JMJD7: variants seen among roughly 807,000 people sequenced by gnomAD.
The protein encoded by JMJD7 is bifunctional peptidase and (3S)-lysyl hydroxylase JMJD7.
In JMJD7, 41 loss-of-function variants were observed where a neutral mutation model predicts 41.1. The ratio of observed to expected loss-of-function variants is 1.00; its 90% CI spans 0.78 to 1.30. The LOEUF (loss-of-function observed/expected upper bound fraction) is 1.30, where lower values mean the gene tolerates loss of function less well. JMJD7 is among the 50% of genes most tolerant of loss of function. The pLI, the probability that JMJD7 is intolerant of heterozygous loss-of-function variation, is 0.00. For missense variants in JMJD7, 480 were observed against 420.7 expected (o/e 1.14, Z -1.23); for synonymous variants, 202 against 177.2 (o/e 1.14, Z -1.11).
chr15:41,836,320 GC>G, intron 5 of JMJD7, 77 bp downstream of exon 5: 1 of 1,585,256 alleles, frequency 6.3e-7, no homozygotes, highest in Non-Finnish European at 8.6e-7. Flanking sequence ...AGCCTGGGAG[GC>G]CAGTTCCCAG....
At chr15:41,829,199 T>TA (rs1447281338) in intron 1 of JMJD7, 1 of 152,196 alleles carries the variant, frequency 6.6e-6, no homozygotes, top group Non-Finnish European at 1.5e-5. Context: ...GGTTAGAAGG[T>TA]AAGTGCAGGC....
intron 1 of JMJD7, 68 bp downstream of exon 1, chr15:41,828,256 C>G: frequency 6.9e-7 from 1 of 1,449,246 alleles, no homozygotes; most frequent in Admixed American, 3.4e-5. Flanking sequence ...GCCGCTGACA[C>G]CGGGGGCTCG....
At chr15:41,830,820 C>A (rs556395679) in intron 1 of JMJD7, among the ~76,000 whole-genome samples, 1 of 152,376 alleles carries the variant, frequency 6.6e-6, no homozygotes, top group African/African-American at 2.4e-5. Context: ...CACCAGCCCC[C>A]TGCCTCCTTG....
chr15:41,831,558 A>T (rs2065229448), intron 1 of JMJD7, among the ~76,000 whole-genome samples: 1 of 152,170 alleles, frequency 6.6e-6, no homozygotes, highest in Admixed American at 6.5e-5. Flanking sequence ...AGCCCTGTAC[A>T]CTTTATAAAA....
chr15:41,836,998 T>G, intron 7 of JMJD7, 58 bp downstream of exon 7: 1 of 1,609,414 alleles, frequency 6.2e-7, no homozygotes, highest in South Asian at 1.1e-5. Context: ...GCAGGGCCTC[T>G]GGGGGGAGGC....
intron 1 of JMJD7, among the ~76,000 whole-genome samples, chr15:41,833,596 T>G (rs2065265815): frequency 6.6e-6 from 1 of 151,298 alleles, no homozygotes; most frequent in African/African-American, 2.4e-5. Context: ...AATTTTTAAT[T>G]TTTTTGTAGA....
In JMJD7 at chr15:41,828,203, C is replaced by T; in HGVS notation, c.64+15C>T. 1 of 1,502,470 alleles carries T rather than the reference C, an allele frequency of 6.7e-7. No homozygotes were observed. The highest frequency in any genetic ancestry group is 1.4e-5 in the South Asian group (1 of 73,196). 93.1% of individuals were successfully genotyped at this position (1,502,470 alleles called of 1,614,324 possible). On this transcript the variant is annotated intron_variant, in intron 1 of 7. Coordinates refer to ENST00000397299, the MANE Select transcript of JMJD7 (RefSeq NM_001114632.2). ...CGCTGCAAGGGGTGAGTGGCTCTCC[C>T]ACAGGCTGCGGCGATTTCCGAACAC...
chr15:41,829,549 A>T (rs2065197165), intron 1 of JMJD7, among the ~76,000 whole-genome samples: 2 of 152,178 alleles, frequency 1.3e-5, no homozygotes, highest in African/African-American at 4.8e-5. Flanking sequence ...TCAGCATTCC[A>T]AAGTTTTGGA....
rs1595415328 is a variant in JMJD7, at chr15:41,837,498, G to C, written c.*342G>C. 3.1e-6 allele frequency: 1 copy of C among 319,312 alleles called. No homozygotes were observed. Among genetic ancestry groups the C allele is most frequent in the African/African-American group, 2.1e-5 (1 of 46,924 alleles). 19.8% of individuals were successfully genotyped at this position (319,312 alleles called of 1,614,324 possible). A position where few individuals can be genotyped will look rare whatever the true frequency, so the allele number is the denominator to read the frequency against. On this transcript the variant is annotated 3_prime_UTR_variant, in exon 8 of 8. Coordinates refer to ENST00000397299, the MANE Select transcript of JMJD7 (RefSeq NM_001114632.2). ...AGATAATAATGGCTGTACCTCGCGG[G>C]GCTGTTGTGGGCTTGGAGATGATGT...
Position 41,837,540 on chromosome 15 carries a change from G to A in JMJD7, c.*384G>A. ...AGATGATGTCTATGAGGACCAGCATGGAGCTGGCACACAGGACATGTTGAA... is the reference window on the plus strand; with the variant it reads ...AGATGATGTCTATGAGGACCAGCATAGAGCTGGCACACAGGACATGTTGAA... On this transcript the variant is annotated 3_prime_UTR_variant, in exon 8 of 8. Coordinates refer to ENST00000397299, the MANE Select transcript of JMJD7 (RefSeq NM_001114632.2). 4.3e-6 allele frequency: 1 copy of A among 233,280 alleles called. No individual in the cohort carries two copies. Among genetic ancestry groups the A allele is most frequent in the Non-Finnish European group, 8.3e-6 (1 of 120,510 alleles). The allele number at this position is 233,280 out of a possible 1,614,324, so 14.5% of individuals were successfully genotyped here.
At position 41,836,471 on chromosome 15, in the gene JMJD7, C is replaced by A. The variant is rs1256402321; in HGVS notation, c.626-4C>A. The A allele has an allele frequency of 4.4e-6, 7 of 1,578,508 alleles. No individual in the cohort carries two copies. Among genetic ancestry groups the A allele is most frequent in the Non-Finnish European group, 6.0e-6 (7 of 1,161,192 alleles). On this transcript the variant is annotated splice_polypyrimidine_tract_variant and splice_region_variant and intron_variant, in intron 5 of 7. Transcript: ENST00000397299. ...CCCCCACACCCTTCTCCCTTGGGCT[C>A]CAGAGCTGTACACGCCGGCAACCTA...
Position 41,828,155 on chromosome 15 carries a change from A to T in JMJD7, c.31A>T (p.Ser11Cys). MAEAALEAVR[S>C]ELREFPAAAR... The stretch of plus-strand genomic sequence containing the variant: ...GGAGGCGGCTTTGGAAGCCGTGCGG[A>T]GCGAGTTACGAGAATTCCCGGCCGC... Residue 11 changes from serine (S) to cysteine (C), a missense_variant, in exon 1 of 8, where the codon AGC becomes TGC. By Grantham distance (112) the Ser-to-Cys change is moderately radical. Coordinates refer to ENST00000397299, the MANE Select transcript of JMJD7 (RefSeq NM_001114632.2). The T allele has an allele frequency of 6.7e-7, 1 of 1,487,704 alleles. No individual in the cohort carries two copies. The highest frequency in any genetic ancestry group is 1.5e-5 in the African/African-American group (1 of 67,424). The allele number at this position is 1,487,704 out of a possible 1,614,324, so 92.2% of individuals were successfully genotyped here.
Position 41,828,104 on chromosome 15 carries a change from T to C in JMJD7, c.-21T>C, listed in dbSNP as rs1220469744. 2 of 1,429,152 alleles carry C rather than the reference T, an allele frequency of 1.4e-6. No individual in the cohort carries two copies. Among genetic ancestry groups the C allele is most frequent in the Non-Finnish European group, 9.1e-7 (1 of 1,094,920 alleles). The allele number at this position is 1,429,152 out of a possible 1,614,324, so 88.5% of individuals were successfully genotyped here. On this transcript the variant is annotated 5_prime_UTR_variant, in exon 1 of 8. Coordinates refer to ENST00000397299, the MANE Select transcript of JMJD7 (RefSeq NM_001114632.2). ...CGGGGCGTCGGGGAAAGGCGGGGTC[T>C]CGGCCGGCGCTGACGCAGCCATGGC... is the stretch of plus-strand genomic sequence containing the variant.
intron 1 of JMJD7, among the ~76,000 whole-genome samples, chr15:41,830,648 C>T (rs565956430): frequency 6.6e-6 from 1 of 152,336 alleles, no homozygotes; most frequent in Non-Finnish European, 1.5e-5. Flanking sequence ...CAGCTGTGGA[C>T]CCAGGCATGT....
Position 41,837,171 on chromosome 15 carries a change from A to C in JMJD7, c.*15A>C. ...GCCTTGACTGATGGAGCACTGGTGA[A>C]CACCACCAAGCACGCCTCGGGGGAC... On this transcript the variant is annotated 3_prime_UTR_variant, in exon 8 of 8. Coordinates refer to ENST00000397299, the MANE Select transcript of JMJD7 (RefSeq NM_001114632.2). The C allele has an allele frequency of 1.3e-6, 2 of 1,584,958 alleles. No individual in the cohort carries two copies. The highest frequency in any genetic ancestry group is 2.2e-5 in the East Asian group (1 of 44,500).
In JMJD7 at chr15:41,829,719, A is replaced by C. The variant is rs140499417; in HGVS notation, c.64+1531A>C. Among the ~76,000 whole-genome samples the C allele has an allele frequency of 4.1e-3, 624 of 152,322 alleles. 3 individuals are homozygous for C. The highest frequency in any genetic ancestry group is 0.014 in the African/African-American group (593 of 41,558). ...CTAAAGGAAATGGTGAGCAAGTAAA[A>C]CAAATCCCTAATTGCAGAAGTCCAA... is the stretch of plus-strand genomic sequence containing the variant. On this transcript the variant is annotated intron_variant, in intron 1 of 7. Coordinates refer to ENST00000397299, the MANE Select transcript of JMJD7 (RefSeq NM_001114632.2).
At chr15:41,834,378 G>A (rs965505910) in intron 1 of JMJD7, among the ~76,000 whole-genome samples, 3 of 152,212 alleles carry the variant, frequency 2.0e-5, no homozygotes, top group Admixed American at 1.3e-4. Context: ...TCATTCTGGA[G>A]CTCCCAATGC....
chr15:41,836,717 G>C, intron 6 of JMJD7, 64 bp from the exon 7 acceptor site: 1 of 1,519,834 alleles, frequency 6.6e-7, no homozygotes, highest in Non-Finnish European at 8.8e-7. Context: ...ACCTTTGGAA[G>C]GGACAGAGCC....
chr15:41,831,094 A>G (rs1486711078), intron 1 of JMJD7, among the ~76,000 whole-genome samples: 1 of 152,124 alleles, frequency 6.6e-6, no homozygotes, highest in East Asian at 1.9e-4. Context: ...TTTCCGGCCC[A>G]CCCATGGCTG....
Sources: gnomAD v4.1 joint callset for allele counts (sites outside exome capture counted in the v4.1 genomes callset) on GRCh38, gnomAD v4.1.1 for gene constraint, MANE v1.5 for transcripts, NCBI Gene and HGNC (gene_info 2026-07-23, HGNC 2026-07-21) for gene names.